The following LARP1B variants were observed in gnomAD, a reference collection of about 807,000 sequenced individuals.
LARP1B encodes La ribonucleoprotein 1B, also known as la-related protein 1B.
In LARP1B, 76 loss-of-function variants were observed where a neutral mutation model predicts 114.2. The observed-to-expected ratio is 0.67, with a 90% CI of 0.55 to 0.81. The LOEUF (loss-of-function observed/expected upper bound fraction) is 0.81, where lower values mean the gene tolerates loss of function less well. Ranked by LOEUF, LARP1B falls within the 30% of genes least tolerant of loss-of-function variation. The probability of loss-of-function intolerance (pLI) is 0.00; values close to 1 mark genes in which losing one functional copy is unlikely to be tolerated. For missense variants in LARP1B, 1,014 were observed against 1,075.8 expected, an observed-to-expected ratio of 0.94 and a Z score of 0.80; for synonymous variants, 345 against 348.0, an observed-to-expected ratio of 0.99 and a Z score of 0.10.
At chr4:128,194,866 CA>C (rs879815845) in intron 15 of LARP1B, among the ~76,000 whole-genome samples, 144 of 136,902 alleles carry the variant, frequency 1.1e-3, no homozygotes, top group Non-Finnish European at 8.9e-4. Context: ...GACTCCATCG[CA>C]AAAAAAAAAA....
chr4:128,169,646 T>A (rs557070175), intron 12 of LARP1B, among the ~76,000 whole-genome samples: 10 of 152,296 alleles, frequency 6.6e-5, no homozygotes, highest in African/African-American at 2.4e-4. Flanking sequence ...TATATTTTTT[T>A]AAGACAGAAT....
At chr4:128,094,400 CTTTTTTTTTTTTTTTTTT>C (rs909262696) in intron 7 of LARP1B, among the ~76,000 whole-genome samples, 1 of 128,742 alleles carries the variant, frequency 7.8e-6, no homozygotes, top group Non-Finnish European at 1.6e-5. Context: ...TTTTCTTTTT[CTTTTTTTTTTTTTTTTTT>C]GAGACATTGT....
intron 11 of LARP1B, chr4:128,123,828 A>C: frequency 3.1e-6 from 1 of 321,054 alleles, no homozygotes; most frequent in Non-Finnish European, 4.5e-6. Context: ...TTATTTCCTT[A>C]AATTATAGAC....
intron 1 of LARP1B, among the ~76,000 whole-genome samples, chr4:128,066,238 G>A (rs1331546959): frequency 1.4e-5 from 2 of 146,492 alleles, no homozygotes; most frequent in Non-Finnish European, 3.0e-5. Context: ...GTGCAGTGGT[G>A]CAATCTCTGC....
rs1390291852 is a variant in LARP1B at position 128,211,243 on chromosome 4, A to G, written c.*1190A>G. 7.4e-6 allele frequency: 7 copies of G among 950,202 alleles called. No individual in the cohort carries two copies. Among genetic ancestry groups the G allele is most frequent in the Non-Finnish European group, 7.5e-6 (6 of 797,900 alleles). The allele number at this position is 950,202 out of a possible 1,614,324, so 58.9% of individuals were successfully genotyped here. On this transcript the variant is annotated 3_prime_UTR_variant, in exon 20 of 20. Coordinates refer to ENST00000326639, the MANE Select transcript of LARP1B (RefSeq NM_018078.4). ...TTTTTGTGTGAATGAAGTTTCAATT[A>G]TAAACTTACATTCACTTTATTGAGC...
rs35344280 is a variant in LARP1B, at chr4:128,182,111, C to CTT, written c.2003+2618_2003+2619dup. Among the ~76,000 whole-genome samples, 977 of 113,112 alleles carry CTT rather than the reference C, an allele frequency of 8.6e-3. 79 individuals are homozygous for CTT. The highest frequency in any genetic ancestry group is 0.01 in the African/African-American group (295 of 29,180). 74.2% of individuals were successfully genotyped at this position (113,112 alleles called of 152,430 possible). ...ACAGGCATGAGCCACTGCACCCGGC[C>CTT]TTTTTTTTTTTTTTTTTTTTGAGAC... On this transcript the variant is annotated intron_variant, in intron 15 of 19. Coordinates refer to ENST00000326639, the MANE Select transcript of LARP1B (RefSeq NM_018078.4).
intron 10 of LARP1B, among the ~76,000 whole-genome samples, chr4:128,117,157 C>T (rs1445601848): frequency 4.0e-5 from 6 of 151,856 alleles, no homozygotes; most frequent in African/African-American, 7.3e-5. Flanking sequence ...CTGCCTTAGC[C>T]TCCCAAAGTG....
In LARP1B at chr4:128,209,980, C is replaced by T. The variant is rs1758685428; in HGVS notation, c.2672C>T (p.Thr891Ile). The change falls in exon 20 of 20, where the codon ACC becomes ATC. Residue 891 changes from threonine (T) to isoleucine (I), a missense_variant. By Grantham distance (89) the Thr-to-Ile change is moderately conservative. Transcript: ENST00000326639. ...KPPNAAKPTS[T>I]SELQVPINSP... Reference sequence around the variant, plus strand: ...CCAAATGCTGCTAAACCTACATCTACCAGTGAGCTTCAGGTACCAATAAAC... The same window carrying T: ...CCAAATGCTGCTAAACCTACATCTATCAGTGAGCTTCAGGTACCAATAAAC... The T allele has an allele frequency of 6.2e-7, 1 of 1,613,926 alleles. No homozygotes were observed. The highest frequency in any genetic ancestry group is 8.5e-7 in the Non-Finnish European group (1 of 1,179,954).
intron 14 of LARP1B, 100 bp downstream of exon 14, chr4:128,178,742 T>C (rs1747289544): frequency 4.7e-6 from 4 of 858,728 alleles, no homozygotes; most frequent in Non-Finnish European, 7.3e-6. Context: ...ATGTGTGTTA[T>C]AACTTGTAAT....
Position 128,168,230 on chromosome 4 carries a change from A to G in LARP1B, c.1648+5913A>G, listed in dbSNP as rs1050957111. The stretch of plus-strand genomic sequence containing the variant: ...CATTTTACGTTCTTACCAACAATAT[A>G]TGAGGGTTCCAGTTGCTCTACATCA... On this transcript the variant is annotated intron_variant, in intron 12 of 19. Transcript: ENST00000326639. 4.6e-5 allele frequency among the ~76,000 whole-genome samples: 7 copies of G among 151,746 alleles called. No homozygotes were observed. The East Asian group carries it at 7.7e-4, about 17-fold the overall frequency.
At chr4:128,060,799 T>G (rs530925380), upstream of LARP1B, among the ~76,000 whole-genome samples, 2 of 152,078 alleles carry the variant, frequency 1.3e-5, no homozygotes, top group Non-Finnish European at 2.9e-5. Context: ...AACTTTCACC[T>G]GGGGGAGGCG....
At chr4:128,073,480 TA>T (rs1335090828) in intron 1 of LARP1B, among the ~76,000 whole-genome samples, 1 of 124,496 alleles carries the variant, frequency 8.0e-6, no homozygotes, top group Admixed American at 9.1e-5. Context: ...CTCATACTCT[TA>T]CCAACAGCAA....
chr4:128,214,213 A>G (rs1345151036), downstream of LARP1B, among the ~76,000 whole-genome samples: 6 of 142,722 alleles, frequency 4.2e-5, no homozygotes, highest in Admixed American at 1.4e-4. Flanking sequence ...CAAGGTGGCA[A>G]CGAGGCTGGT....
intron 4 of LARP1B, among the ~76,000 whole-genome samples, chr4:128,081,683 TTAGAC>T (rs1461799216): frequency 6.6e-6 from 1 of 152,160 alleles, no homozygotes; most frequent in African/African-American, 2.4e-5. Flanking sequence ...CTGTCCTTCT[TTAGAC>T]TAACAGTTAA....
intron 4 of LARP1B, among the ~76,000 whole-genome samples, chr4:128,078,349 C>T (rs2149423640): frequency 6.6e-6 from 1 of 152,198 alleles, no homozygotes; most frequent in South Asian, 2.1e-4. Flanking sequence ...GGCGCAGTGG[C>T]TCACACCTGT....
chr4:128,209,785 GT>G, intron 19 of LARP1B, 70 bp from the exon 20 acceptor site: 1 of 1,255,846 alleles, frequency 8.0e-7, no homozygotes, highest in South Asian at 1.2e-5. Flanking sequence ...TTGGGGAAAA[GT>G]CTAGCCTTAG....
At chr4:128,095,305 A>G (rs1323683525) in intron 7 of LARP1B, among the ~76,000 whole-genome samples, 1 of 151,934 alleles carries the variant, frequency 6.6e-6, no homozygotes, top group East Asian at 1.9e-4. Context: ...GCTGGCCAAC[A>G]TAGTGAAACC....
chr4:128,113,972 G>A (rs1396540600), intron 9 of LARP1B, among the ~76,000 whole-genome samples: 1 of 152,028 alleles, frequency 6.6e-6, no homozygotes, highest in Admixed American at 6.6e-5. Context: ...TTTTAGTAGA[G>A]ATAGGGTTTC....
intron 8 of LARP1B, among the ~76,000 whole-genome samples, chr4:128,098,743 A>ATGTG (rs201554291): frequency 0.059 from 1,392 of 23,692 alleles, 165 homozygotes; most frequent in African/African-American, 0.091. Context: ...CTGTATATGT[A>ATGTG]TGTGTATATA....
Sources: allele counts gnomAD v4.1 joint callset (sites outside exome capture counted in the v4.1 genomes callset), GRCh38; gene constraint gnomAD v4.1.1; transcripts MANE v1.5; gene names NCBI Gene and HGNC (gene_info 2026-07-23, HGNC 2026-07-21).